The following DPH5 variants were observed in gnomAD, a reference collection of about 807,000 sequenced individuals.
The protein encoded by DPH5 is diphthine methyl ester synthase.
Under a neutral mutation model 31.6 loss-of-function variants are expected in DPH5, and 31 were observed. The observed-to-expected ratio is 0.98, with a 90% confidence interval of 0.74 to 1.32. DPH5 has a LOEUF of 1.32. Among genes scored for constraint, DPH5 ranks in the 40% most tolerant of loss-of-function variants. The pLI, the probability that DPH5 is intolerant of heterozygous loss-of-function variation, is 0.00. For missense variants in DPH5, 309 were observed against 335.7 expected, an observed-to-expected ratio of 0.92 and a Z score of 0.62; for synonymous variants, 120 against 115.0, an observed-to-expected ratio of 1.04 and a Z score of -0.28.
intron 4 of DPH5, among the ~76,000 whole-genome samples, chr1:101,002,861 A>G (rs1658974079): frequency 1.3e-5 from 2 of 152,126 alleles, no homozygotes; most frequent in Admixed American, 6.5e-5. Flanking sequence ...AAGGAAACAG[A>G]GAAGGTGGGG....
intron 3 of DPH5, among the ~76,000 whole-genome samples, chr1:101,017,667 C>G (rs1660170897): frequency 1.3e-5 from 2 of 152,132 alleles, no homozygotes; most frequent in African/African-American, 4.8e-5. Context: ...TCAATGCATA[C>G]CAAGTAGGAA....
intron 5 of DPH5, 66 bp from the exon 6 acceptor site, chr1:100,995,215 C>T: frequency 8.6e-7 from 1 of 1,156,404 alleles, no homozygotes; most frequent in Non-Finnish European, 1.3e-6. Flanking sequence ...TATGTGTAAA[C>T]CTCAGTTAAG....
chr1:100,992,421 GTTAA>G (rs1225860096), intron 7 of DPH5, among the ~76,000 whole-genome samples: 1 of 152,108 alleles, frequency 6.6e-6, no homozygotes, highest in Non-Finnish European at 1.5e-5. Flanking sequence ...CTGGAATGGT[GTTAA>G]TTATACTATA....
rs111464341 is a variant in DPH5, at chr1:101,001,249, T to C, written c.490+218A>G. Among the ~76,000 whole-genome samples, 971 of 152,300 alleles carry C rather than the reference T, an allele frequency of 6.4e-3. 16 individuals are homozygous for C. Among genetic ancestry groups the C allele is most frequent in the African/African-American group, 0.02 (841 of 41,556 alleles). On this transcript the variant is annotated intron_variant, in intron 5 of 7. Coordinates refer to ENST00000370109, the MANE Select transcript of DPH5 (RefSeq NM_015958.3). ...TAGGGCAGGGCATAAGAGGGAGCAG[T>C]GTAACTATGGTGTGTATGCAGAAAT...
chr1:100,994,552 T>C (rs1406874808), intron 6 of DPH5, among the ~76,000 whole-genome samples: 2 of 151,796 alleles, frequency 1.3e-5, no homozygotes, highest in Non-Finnish European at 2.9e-5. Flanking sequence ...TTTTTTTTTT[T>C]TTCTCACTCT....
At chr1:100,999,735 A>G (rs1305435210) in intron 5 of DPH5, among the ~76,000 whole-genome samples, 1 of 151,978 alleles carries the variant, frequency 6.6e-6, no homozygotes, top group Admixed American at 6.6e-5. Flanking sequence ...GTTACTCGGA[A>G]GTCTGAGGCA....
rs1259255009 is a variant in DPH5 at position 101,025,480 on chromosome 1, T to C, written c.-23-14A>G. On this transcript the variant is annotated splice_polypyrimidine_tract_variant and intron_variant, in intron 1 of 7. Coordinates refer to ENST00000370109, the MANE Select transcript of DPH5 (RefSeq NM_015958.3). ...GGAGAAGAGAGACTGCAAGACGAAG[T>C]GGACAGAAAAACCGTCAGTAACACC... is the stretch of plus-strand genomic sequence containing the variant. 1.2e-6 allele frequency: 2 copies of C among 1,611,440 alleles called. No individual in the cohort carries two copies. The highest frequency in any genetic ancestry group is 2.7e-5 in the African/African-American group (2 of 74,842).
At chr1:100,998,712 GC>G (rs1358714331) in intron 5 of DPH5, among the ~76,000 whole-genome samples, 1 of 152,164 alleles carries the variant, frequency 6.6e-6, no homozygotes, top group Non-Finnish European at 1.5e-5. Context: ...AGAATAATGA[GC>G]AAGATAAAGT....
chr1:101,010,099 T>C (rs1376156178), intron 4 of DPH5, among the ~76,000 whole-genome samples: 4 of 152,240 alleles, frequency 2.6e-5, no homozygotes, highest in Non-Finnish European at 5.9e-5. Context: ...TTGTCTCTTC[T>C]GCCCACTAAA....
chr1:101,006,902 C>A (rs1202789077), intron 4 of DPH5, among the ~76,000 whole-genome samples: 3 of 152,146 alleles, frequency 2.0e-5, no homozygotes, highest in African/African-American at 7.2e-5. Context: ...AATTATACAA[C>A]CTTTTCTCTG....
chr1:101,012,586 T>C (rs1303147238), intron 4 of DPH5, among the ~76,000 whole-genome samples: 4 of 152,190 alleles, frequency 2.6e-5, no homozygotes, highest in African/African-American at 7.2e-5. Flanking sequence ...GCATTTGACT[T>C]ACTCCAACAC....
chr1:100,990,534 G>A lies in DPH5; in HGVS notation c.732C>T (p.Asp244=). 6.2e-7 allele frequency: 1 copy of A among 1,614,108 alleles called. No individual in the cohort carries two copies. Residue 244 remains aspartate (D), a synonymous_variant, in exon 8 of 8, where the codon GAC becomes GAT. Transcript: ENST00000370109. ...AGTLRQMCTV[D]LGEPLHSLII... The stretch of plus-strand genomic sequence containing the variant: ...TCAAGGAATGCAATGGTTCTCCCAA[G>A]TCCACAGTGCACATTTGCCTTAAAG...
Position 100,998,504 on chromosome 1 carries a change from T to C in DPH5, c.490+2963A>G, listed in dbSNP as rs930575934. ...AGCCTGGATGACAGGGTAAACCTTA[T>C]CTTAAAAAAAAAAAAAAAAAGGAAT... On this transcript the variant is annotated intron_variant, in intron 5 of 7. Coordinates refer to ENST00000370109, the MANE Select transcript of DPH5 (RefSeq NM_015958.3). Among the ~76,000 whole-genome samples, 4 of 56,236 alleles carry C rather than the reference T, an allele frequency of 7.1e-5. No individual in the cohort carries two copies. In the Admixed American group the frequency reaches 7.8e-4, roughly 11 times the overall value. 36.9% of individuals were successfully genotyped at this position (56,236 alleles called of 152,430 possible).
At position 101,011,142 on chromosome 1, in the gene DPH5, T is replaced by G. The variant is rs185998335; in HGVS notation, c.369+2568A>C. Among the ~76,000 whole-genome samples the G allele has an allele frequency of 1.2e-3, 179 of 152,348 alleles. 1 individual carries two copies. Among genetic ancestry groups the G allele is most frequent in the African/African-American group, 4.2e-3 (174 of 41,586 alleles). On this transcript the variant is annotated intron_variant, in intron 4 of 7. Coordinates refer to ENST00000370109, the MANE Select transcript of DPH5 (RefSeq NM_015958.3). ...GCCAGCTATTATAAGGAAGAAGACT[T>G]TGTCAAAGTACTTGCATTATGCAGG...
chr1:100,998,462 C>A (rs1188932316), intron 5 of DPH5, among the ~76,000 whole-genome samples: 1 of 148,576 alleles, frequency 6.7e-6, no homozygotes, highest in East Asian at 2.0e-4. Context: ...TGAGCCGAGA[C>A]TGCACTACTG....
Position 100,995,153 on chromosome 1 carries a change from T to C in DPH5, c.491-4A>G, listed in dbSNP as rs377001431. On this transcript the variant is annotated splice_polypyrimidine_tract_variant and splice_region_variant and intron_variant, in intron 5 of 7. Coordinates refer to ENST00000370109, the MANE Select transcript of DPH5 (RefSeq NM_015958.3). Reference sequence around the variant, plus strand: ...GACTGCTCCTTTACTTTGATGTCTGTAGGAAGTAAAAATAGTTCTTTTAAT... The same window carrying C: ...GACTGCTCCTTTACTTTGATGTCTGCAGGAAGTAAAAATAGTTCTTTTAAT... 1.3e-6 allele frequency: 2 copies of C among 1,567,538 alleles called. No individual in the cohort carries two copies. The highest frequency in any genetic ancestry group is 1.8e-6 in the Non-Finnish European group (2 of 1,139,344).
chr1:100,994,158 TTC>T (rs1303808129), intron 6 of DPH5, among the ~76,000 whole-genome samples: 3 of 152,212 alleles, frequency 2.0e-5, no homozygotes, highest in Admixed American at 6.5e-5. Flanking sequence ...ATCTGATATG[TTC>T]TTACAGCACA....
At chr1:100,992,913 T>G (rs1657909277) in intron 6 of DPH5, among the ~76,000 whole-genome samples, 173 bp from the exon 7 acceptor site, 1 of 152,246 alleles carries the variant, frequency 6.6e-6, no homozygotes, top group South Asian at 2.1e-4. Context: ...TGTTCATTTC[T>G]TAAGCTTTTT....
intron 5 of DPH5, among the ~76,000 whole-genome samples, chr1:100,999,518 T>A (rs562801302): frequency 6.6e-6 from 1 of 152,090 alleles, no homozygotes; most frequent in East Asian, 1.9e-4. Context: ...TAATAGAGAT[T>A]GGCTATATTA....
Sources: gnomAD v4.1 joint callset for allele counts (sites outside exome capture counted in the v4.1 genomes callset) on GRCh38, gnomAD v4.1.1 for gene constraint, MANE v1.5 for transcripts, NCBI Gene and HGNC (gene_info 2026-07-23, HGNC 2026-07-21) for gene names.